The following DPYSL3 variants were observed in gnomAD, a reference collection of about 807,000 sequenced individuals.
The protein encoded by DPYSL3 is dihydropyrimidinase like 3, also known as dihydropyrimidinase-related protein 3.
A neutral mutation model predicts 66.1 loss-of-function variants in DPYSL3; 16 were observed. The observed-to-expected ratio is 0.24, with a 90% confidence interval of 0.16 to 0.37. The LOEUF (loss-of-function observed/expected upper bound fraction) is 0.37, where lower values mean the gene tolerates loss of function less well. Among genes scored for constraint, DPYSL3 ranks in the 10% least tolerant of loss-of-function variants. DPYSL3 has a pLI of 1.00. For missense variants in DPYSL3, 738 were observed against 916.2 expected, an observed-to-expected ratio of 0.81 and a Z score of 2.51; for synonymous variants, 338 against 345.1, an observed-to-expected ratio of 0.98 and a Z score of 0.23.
chr5:147,393,893 T>C lies in DPYSL3; in HGVS notation c.*142A>G. 1 of 816,518 alleles carries C rather than the reference T, an allele frequency of 1.2e-6. No homozygotes were observed. Among genetic ancestry groups the C allele is most frequent in the Non-Finnish European group, 2.0e-6 (1 of 510,904 alleles). 50.6% of individuals were successfully genotyped at this position (816,518 alleles called of 1,614,324 possible). On this transcript the variant is annotated 3_prime_UTR_variant, in exon 14 of 14. Coordinates refer to ENST00000343218, the MANE Select transcript of DPYSL3 (RefSeq NM_001197294.2). The stretch of plus-strand genomic sequence containing the variant: ...AAAGCTAGGCAAGCGAGCGTAACAT[T>C]GGAGAAACATAAGGCTTGAGGCTTA...
chr5:147,439,605 G>A (rs1752493151), intron 1 of DPYSL3, among the ~76,000 whole-genome samples: 1 of 152,114 alleles, frequency 6.6e-6, no homozygotes, highest in Admixed American at 6.5e-5. Flanking sequence ...CATTTTTAGA[G>A]GACCACCTGG....
intron 1 of DPYSL3, among the ~76,000 whole-genome samples, chr5:147,432,882 A>C (rs940462293): frequency 6.6e-6 from 1 of 152,358 alleles, no homozygotes; most frequent in South Asian, 2.1e-4. Flanking sequence ...TACAATAAAA[A>C]CATCACTAAA....
intron 1 of DPYSL3, among the ~76,000 whole-genome samples, chr5:147,433,304 G>C (rs531324769): frequency 6.6e-6 from 1 of 152,280 alleles, no homozygotes; most frequent in East Asian, 1.9e-4. Context: ...CCGAAGCTTG[G>C]GTGGATGGGG....
chr5:147,395,508 G>A (rs143935058), intron 13 of DPYSL3, 51 bp downstream of exon 13: 10 of 1,561,258 alleles, frequency 6.4e-6, no homozygotes, highest in African/African-American at 1.4e-5. Context: ...TCAGAACATT[G>A]ATCTTCCCCT....
intron 2 of DPYSL3, 126 bp from the exon 3 acceptor site, chr5:147,418,757 C>T: frequency 1.3e-6 from 1 of 792,298 alleles, no homozygotes; most frequent in Non-Finnish European, 1.9e-6. Flanking sequence ...TTAAACTTTG[C>T]AAGTGACTCA....
At chr5:147,485,694 A>T (rs1399629841) in intron 1 of DPYSL3, among the ~76,000 whole-genome samples, 1 of 152,186 alleles carries the variant, frequency 6.6e-6, no homozygotes, top group Non-Finnish European at 1.5e-5. Context: ...GCCCTTACAG[A>T]GCTGAGCAGG....
chr5:147,455,287 C>T (rs1752826907), intron 1 of DPYSL3, among the ~76,000 whole-genome samples: 1 of 152,222 alleles, frequency 6.6e-6, no homozygotes, highest in South Asian at 2.1e-4. Flanking sequence ...CCCTTAAACA[C>T]TCCCTCTCAA....
chr5:147,507,123 G>T (rs977459497), intron 1 of DPYSL3, among the ~76,000 whole-genome samples: 1 of 152,132 alleles, frequency 6.6e-6, no homozygotes. Context: ...GGACAAATAG[G>T]AGCAAGAAAT....
At chr5:147,397,994 A>G in intron 11 of DPYSL3, 149 bp from the exon 12 acceptor site, 1 of 753,514 alleles carries the variant, frequency 1.3e-6, no homozygotes, top group East Asian at 2.8e-5. Context: ...TCCAGTGGGT[A>G]GAAGGCACCG....
intron 1 of DPYSL3, among the ~76,000 whole-genome samples, chr5:147,430,681 A>C (rs990099852): frequency 6.6e-6 from 1 of 152,202 alleles, no homozygotes; most frequent in Non-Finnish European, 1.5e-5. Context: ...AAAAGACAGA[A>C]TCTTGAGCTA....
At chr5:147,415,567 A>C (rs552210084) in intron 4 of DPYSL3, 142 bp downstream of exon 4, 9 of 983,950 alleles carry the variant, frequency 9.1e-6, no homozygotes, top group Non-Finnish European at 1.2e-5. Flanking sequence ...TGCCTGGAAC[A>C]TTGTGTTATC....
intron 9 of DPYSL3, 138 bp from the exon 10 acceptor site, chr5:147,400,971 A>T: frequency 8.6e-7 from 1 of 1,164,144 alleles, no homozygotes; most frequent in South Asian, 1.9e-5. Flanking sequence ...CTTACTAGAT[A>T]TATGAGCTTG....
intron 1 of DPYSL3, among the ~76,000 whole-genome samples, chr5:147,454,723 T>C (rs959410640): frequency 1.3e-5 from 2 of 152,156 alleles, no homozygotes; most frequent in African/African-American, 4.8e-5. Context: ...CGAGTTTACT[T>C]TAGGCAGGGC....
intron 1 of DPYSL3, among the ~76,000 whole-genome samples, chr5:147,447,051 C>T (rs776986614): frequency 6.6e-6 from 1 of 152,188 alleles, no homozygotes; most frequent in East Asian, 1.9e-4. Flanking sequence ...AGCCAAATTA[C>T]TTAGTTTCTC....
intron 1 of DPYSL3, among the ~76,000 whole-genome samples, chr5:147,481,685 TG>T (rs1345581748): frequency 6.6e-6 from 1 of 152,196 alleles, no homozygotes; most frequent in African/African-American, 2.4e-5. Context: ...CATGGATTAA[TG>T]GCAATTATAA....
At chr5:147,507,162 G>A (rs1378861244) in intron 1 of DPYSL3, among the ~76,000 whole-genome samples, 2 of 152,172 alleles carry the variant, frequency 1.3e-5, no homozygotes, top group African/African-American at 4.8e-5. Context: ...TTAAGCTGCT[G>A]AGAGTTGGGG....
chr5:147,404,445 G>A (rs541968335), intron 8 of DPYSL3, among the ~76,000 whole-genome samples: 1 of 152,332 alleles, frequency 6.6e-6, no homozygotes, highest in African/African-American at 2.4e-5. Context: ...TCACTCACAC[G>A]TGGAGTTTCA....
chr5:147,439,543 G>A (rs1191320766), intron 1 of DPYSL3, among the ~76,000 whole-genome samples: 1 of 152,208 alleles, frequency 6.6e-6, no homozygotes, highest in Admixed American at 6.5e-5. Flanking sequence ...CTGGGTTTTA[G>A]TTGAGGTGTA....
At position 147,399,169 on chromosome 5, in the gene DPYSL3, C is replaced by T. The variant is rs1472202284; in HGVS notation, c.1536G>A (p.Lys512=). The change falls in exon 11 of 14, where the codon AAG becomes AAA. Residue 512 remains lysine, a synonymous_variant. Coordinates refer to ENST00000343218, the MANE Select transcript of DPYSL3 (RefSeq NM_001197294.2). ...TGTCAGAACCCACAGATATTCTTCC[C>T]TTGCGGGGATACAGGTTGAAGATCT... ...AAKIFNLYPR[K]GRISVGSDSD... The T allele has an allele frequency of 2.1e-5, 34 of 1,614,128 alleles. No homozygotes were observed. Among genetic ancestry groups the T allele is most frequent in the Non-Finnish European group, 2.5e-5 (30 of 1,180,058 alleles).
Sources: allele counts gnomAD v4.1 joint callset (sites outside exome capture counted in the v4.1 genomes callset), GRCh38; gene constraint gnomAD v4.1.1; transcripts MANE v1.5; gene names NCBI Gene and HGNC (gene_info 2026-07-23, HGNC 2026-07-21).